EDRF1: variants seen among roughly 807,000 people sequenced by gnomAD.
EDRF1 encodes erythroid differentiation-related factor 1.
A neutral mutation model predicts 148.7 loss-of-function variants in EDRF1; 69 were observed. The observed-to-expected ratio is 0.46, with a 90% CI of 0.38 to 0.57. EDRF1 has a LOEUF of 0.57. EDRF1 is among the 20% of genes least tolerant of loss of function. The pLI, the probability that EDRF1 is intolerant of heterozygous loss-of-function variation, is 0.00. For synonymous variants in EDRF1, 515 were observed against 532.8 expected (o/e 0.97, Z 0.46); for missense variants, 1,118 against 1,478.7 (o/e 0.76, Z 4.00).
At chr10:125,729,856 G>C (rs1394747144) in intron 8 of EDRF1, among the ~76,000 whole-genome samples, 1 of 152,222 alleles carries the variant, frequency 6.6e-6, no homozygotes, top group African/African-American at 2.4e-5. Context: ...GAATATTCAA[G>C]AGAGTTTATT....
chr10:125,721,363 G>A lies in EDRF1; in HGVS notation c.268G>A (p.Ala90Thr), dbSNP rs543306287. The A allele has an allele frequency of 2.7e-5, 43 of 1,614,200 alleles. 1 individual carries two copies. In the South Asian group the frequency reaches 4.0e-4, roughly 15 times the overall value. Residue 90 changes from alanine to threonine, a missense_variant, in exon 2 of 25, where the codon GCA (alanine) becomes ACA (threonine). Physicochemically the swap from Ala to Thr is moderately conservative, Grantham distance 58. Transcript: ENST00000356792. ...ACGAGAGAGTGCCAAACTAGGGCCA[G>A]CAGGAACTACCATTCTTGGCAACAG... Reference protein sequence around the residue: ...WLRESAKLGPAGTTILGNSKK... With the variant: ...WLRESAKLGPTGTTILGNSKK...
chr10:125,723,156 A>C (rs17153469), intron 3 of EDRF1, 22 bp downstream of exon 3: 9 of 1,609,212 alleles, frequency 5.6e-6, no homozygotes, highest in Non-Finnish European at 7.7e-6. Context: ...TTGTCGCTTA[A>C]TGTAATTTTG....
rs777743988 is a variant in EDRF1 at position 125,730,412 on chromosome 10, G to C, written c.1128+13G>C. ...TGGAATTGTACAGGTAAGATACAGT[G>C]TGATTTTTCTGATCTCTCAAATGCA... On this transcript the variant is annotated intron_variant, in intron 9 of 24. Coordinates refer to ENST00000356792, the MANE Select transcript of EDRF1 (RefSeq NM_001202438.2). 1 of 1,599,816 alleles carries C rather than the reference G, an allele frequency of 6.3e-7. No individual in the cohort carries two copies. Among genetic ancestry groups the C allele is most frequent in the Non-Finnish European group, 8.6e-7 (1 of 1,167,174 alleles).
intron 13 of EDRF1, among the ~76,000 whole-genome samples, chr10:125,737,406 C>T (rs538888298): frequency 2.6e-5 from 4 of 152,232 alleles, no homozygotes; most frequent in African/African-American, 7.2e-5. Context: ...ACTCACTCAC[C>T]GTGTCCTCAG....
chr10:125,752,456 T>C (rs1412188925), intron 22 of EDRF1, among the ~76,000 whole-genome samples: 1 of 152,248 alleles, frequency 6.6e-6, no homozygotes. Context: ...TACTAAGTGC[T>C]TATGTGACTT....
At chr10:125,738,096 C>T (rs905172474) in intron 14 of EDRF1, 107 bp downstream of exon 14, 7 of 1,366,110 alleles carry the variant, frequency 5.1e-6, no homozygotes, top group African/African-American at 1.4e-5. Context: ...TGTTCTGCTG[C>T]GATTTTTTTT....
intron 21 of EDRF1, 80 bp from the exon 22 acceptor site, chr10:125,749,332 G>A (rs1022099609): frequency 4.0e-5 from 61 of 1,542,966 alleles, no homozygotes; most frequent in Middle Eastern, 1.7e-4. Context: ...CACAGTGGGG[G>A]AAAAATAACT....
At position 125,763,813 on chromosome 10, in the gene EDRF1, G is replaced by T; in HGVS notation, c.*341G>T. On this transcript the variant is annotated 3_prime_UTR_variant, in exon 25 of 25. Transcript: ENST00000356792. The surrounding 1 kb of genome is among the most constrained non-coding windows in gnomAD (Gnocchi z 4.3). ...CACGGGTCTAAGATATGATTATTTT[G>T]GATAAAATGTTACTTTGGTCAAGAG... is the stretch of plus-strand genomic sequence containing the variant. 1 of 320,366 alleles carries T rather than the reference G, an allele frequency of 3.1e-6. No individual in the cohort carries two copies. Among genetic ancestry groups the T allele is most frequent in the Non-Finnish European group, 5.9e-6 (1 of 168,542 alleles). 19.8% of individuals were successfully genotyped at this position (320,366 alleles called of 1,614,324 possible).
chr10:125,753,652 T>C, intron 23 of EDRF1, 42 bp from the exon 24 acceptor site: 1 of 1,612,268 alleles, frequency 6.2e-7, no homozygotes, highest in Non-Finnish European at 8.5e-7. Flanking sequence ...GAAACTACAG[T>C]TGTTGGATAG....
In EDRF1 at chr10:125,743,040, TC is replaced by T. The variant is rs1489926943; in HGVS notation, c.2372-15del. 5 of 1,612,378 alleles carry T rather than the reference TC, an allele frequency of 3.1e-6. No individual in the cohort carries two copies. In the East Asian group the frequency reaches 8.9e-5, roughly 29 times the overall value. On this transcript the variant is annotated splice_polypyrimidine_tract_variant and intron_variant, in intron 17 of 24. Transcript: ENST00000356792. ...GAATCACATGATTCGCATTGATGTA[TC>T]CCTTTTTTCTTTTCAGGATTTGCAT...
At chr10:125,744,723 C>T (rs1292698566) in intron 18 of EDRF1, 4 of 152,180 alleles carry the variant, frequency 2.6e-5, no homozygotes, top group Admixed American at 6.6e-5. Context: ...GCACTTTGCT[C>T]AGATGTTTTT....
chr10:125,726,826 C>T lies in EDRF1; in HGVS notation c.792+988C>T, dbSNP rs991967426. Among the ~76,000 whole-genome samples, 40 of 152,162 alleles carry T rather than the reference C, an allele frequency of 2.6e-4. 1 individual carries two copies. Among genetic ancestry groups the T allele is most frequent in the African/African-American group, 9.7e-4 (40 of 41,434 alleles). On this transcript the variant is annotated intron_variant, in intron 6 of 24. Transcript: ENST00000356792. ...GTAACAACCAAGAAGTAGGGATGTT[C>T]TATGATTCAGAAGGGAGAAAAGACT...
rs543903978 is a variant in EDRF1 at position 125,739,122 on chromosome 10, TA to T, written c.1981+690del. On this transcript the variant is annotated intron_variant, in intron 15 of 24. Coordinates refer to ENST00000356792, the MANE Select transcript of EDRF1 (RefSeq NM_001202438.2). ...CCCTTTTAAATCAGTTTCAATTGTT[TA>T]AAAAAAAAAAAAGTGTAGAAAGCCT... Among the ~76,000 whole-genome samples the T allele has an allele frequency of 4.7e-3, 676 of 145,082 alleles. 3 individuals are homozygous for T. Among genetic ancestry groups the T allele is most frequent in the Middle Eastern group, 0.021 (6 of 284 alleles).
chr10:125,737,122 G>C (rs1238674433), intron 13 of EDRF1, among the ~76,000 whole-genome samples: 1 of 152,060 alleles, frequency 6.6e-6, no homozygotes, highest in Non-Finnish European at 1.5e-5. Flanking sequence ...AAATGTTCTG[G>C]TTATAATCAT....
At chr10:125,749,814 G>GA (rs960871880) in intron 22 of EDRF1, 17 of 483,498 alleles carry the variant, frequency 3.5e-5, no homozygotes, top group Non-Finnish European at 4.5e-5. Context: ...CCCTAGTTTG[G>GA]AAAAAAAATT....
chr10:125,755,264 A>G (rs1482600533), intron 24 of EDRF1, among the ~76,000 whole-genome samples: 1 of 152,218 alleles, frequency 6.6e-6, no homozygotes, highest in African/African-American at 2.4e-5. Flanking sequence ...AGATGACTAC[A>G]TGGTTTCCCT....
chr10:125,721,160 T>A (rs1478927969), intron 1 of EDRF1, 44 bp from the exon 2 acceptor site: 2 of 1,592,896 alleles, frequency 1.3e-6, no homozygotes, highest in South Asian at 2.2e-5. Context: ...AGATTTTTCG[T>A]TCTTAGTAAT....
intron 24 of EDRF1, chr10:125,761,309 C>A: frequency 3.3e-6 from 1 of 298,610 alleles, no homozygotes. Context: ...GTTTGTTAGG[C>A]CAAAGGTTTT....
At position 125,729,823 on chromosome 10, in the gene EDRF1, A is replaced by G. The variant is rs998337967; in HGVS notation, c.1016+344A>G. The stretch of plus-strand genomic sequence containing the variant: ...AGGTTTGTTGGACTGGCCTAGTCTT[A>G]GGTCTGAATCTACAACTTGTGAGAA... On this transcript the variant is annotated intron_variant, in intron 8 of 24. Transcript: ENST00000356792. Among the ~76,000 whole-genome samples, 10 of 152,372 alleles carry G rather than the reference A, an allele frequency of 6.6e-5. No homozygotes were observed. The South Asian group carries it at 1.9e-3, about 28-fold the overall frequency.
Sources: allele counts gnomAD v4.1 joint callset (sites outside exome capture counted in the v4.1 genomes callset), GRCh38; gene constraint gnomAD v4.1.1; non-coding constraint Gnocchi (gnomAD v3.1); transcripts MANE v1.5; gene names NCBI Gene and HGNC (gene_info 2026-07-23, HGNC 2026-07-21).